The following AFF1 variants were observed in gnomAD, a reference collection of about 807,000 sequenced individuals.
AFF1 encodes ALF transcription elongation factor 1.
Under a neutral mutation model 121.7 loss-of-function variants are expected in AFF1, and 48 were observed. The ratio of observed to expected loss-of-function variants is 0.39; its 90% CI spans 0.31 to 0.50. The LOEUF is 0.50. AFF1 is among the 20% of genes least tolerant of loss of function. The pLI is 0.76. For synonymous variants in AFF1, 613 were observed against 563.0 expected (o/e 1.09, Z -1.26); for missense variants, 1,523 against 1,511.7 (o/e 1.01, Z -0.12).
rs1400803008 is a variant in AFF1 at position 87,140,079 on chromosome 4, A to G, written c.*4378A>G. 4.9e-6 allele frequency: 1 copy of G among 204,964 alleles called. No homozygotes were observed. Among genetic ancestry groups the G allele is most frequent in the East Asian group, 7.4e-5 (1 of 13,542 alleles). The allele number at this position is 204,964 out of a possible 1,614,324, so 12.7% of individuals were successfully genotyped here. ...CCTAAGAGGGCAGGAGGGAAACCCT[A>G]CAGCTCCTTGTGAGCCTATATATTA... On this transcript the variant is annotated 3_prime_UTR_variant, in exon 21 of 21. Coordinates refer to ENST00000395146, the MANE Select transcript of AFF1 (RefSeq NM_001166693.3).
chr4:86,980,947 A>AGC (rs1723691095), intron 2 of AFF1, among the ~76,000 whole-genome samples: 1 of 102,400 alleles, frequency 9.8e-6, no homozygotes. Context: ...GGCTTGAGGC[A>AGC]CCCCCCCCCT....
chr4:87,069,408 T>C (rs1721741919), intron 4 of AFF1, among the ~76,000 whole-genome samples: 1 of 149,270 alleles, frequency 6.7e-6, no homozygotes, highest in African/African-American at 2.5e-5. Flanking sequence ...CTTTTCTGTC[T>C]CTCCCTCCCT....
intron 2 of AFF1, among the ~76,000 whole-genome samples, chr4:86,972,660 C>T (rs1277091516): frequency 1.3e-5 from 2 of 152,230 alleles, no homozygotes; most frequent in African/African-American, 4.8e-5. Context: ...GCCTCAGCCT[C>T]TCAAGTAGCC....
chr4:87,050,554 T>A (rs1242088419), intron 4 of AFF1, among the ~76,000 whole-genome samples: 1 of 152,254 alleles, frequency 6.6e-6, no homozygotes, highest in Non-Finnish European at 1.5e-5. Context: ...TAGTTGGTAC[T>A]ATAAAAACTC....
chr4:86,984,566 G>A (rs971779393), intron 2 of AFF1, among the ~76,000 whole-genome samples: 12 of 151,910 alleles, frequency 7.9e-5, no homozygotes, highest in Admixed American at 4.6e-4. Flanking sequence ...CAGGCAGTCC[G>A]CCCGCCTCGG....
chr4:87,124,682 T>C (rs1728043762), intron 12 of AFF1, among the ~76,000 whole-genome samples: 1 of 152,262 alleles, frequency 6.6e-6, no homozygotes, highest in Admixed American at 6.5e-5. Flanking sequence ...GATGTAAATA[T>C]GCATGTTTTG....
intron 10 of AFF1, among the ~76,000 whole-genome samples, chr4:87,107,835 A>AG (rs1453328219): frequency 1.3e-5 from 2 of 152,254 alleles, no homozygotes; most frequent in African/African-American, 2.4e-5. Context: ...TTAGAAAAGC[A>AG]GGCAGCCAGC....
At chr4:87,016,675 T>A (rs1727333503) in intron 2 of AFF1, among the ~76,000 whole-genome samples, 1 of 152,192 alleles carries the variant, frequency 6.6e-6, no homozygotes, top group Non-Finnish European at 1.5e-5. Flanking sequence ...TTTAGAACAT[T>A]TTATCCCATA....
chr4:87,002,183 C>T (rs959501468), intron 2 of AFF1, among the ~76,000 whole-genome samples: 4 of 149,558 alleles, frequency 2.7e-5, no homozygotes, highest in Non-Finnish European at 4.4e-5. Context: ...ATCTCAAATT[C>T]CTGGGCCCAG....
chr4:87,040,174 T>TG (rs1729994009), intron 2 of AFF1, among the ~76,000 whole-genome samples: 1 of 152,078 alleles, frequency 6.6e-6, no homozygotes. Context: ...GGATTACAGA[T>TG]GTGAGCCACT....
intron 20 of AFF1, 119 bp downstream of exon 20, chr4:87,134,813 T>G: frequency 2.2e-6 from 2 of 890,560 alleles, no homozygotes; most frequent in South Asian, 1.8e-5. Context: ...GCTGTTTTAC[T>G]TTAATTATAT....
chr4:87,127,017 T>C lies in AFF1; in HGVS notation c.2812-9T>C. On this transcript the variant is annotated splice_polypyrimidine_tract_variant and intron_variant, in intron 14 of 20. Coordinates refer to ENST00000395146, the MANE Select transcript of AFF1 (RefSeq NM_001166693.3). Reference sequence around the variant, plus strand: ...GAGTGTAATCTGTATATTGATTTTTTTTTTGAAGGGTTCTTCCGGAGATAC... The same window carrying C: ...GAGTGTAATCTGTATATTGATTTTTCTTTTGAAGGGTTCTTCCGGAGATAC... The C allele has an allele frequency of 6.2e-7, 1 of 1,613,146 alleles. No individual in the cohort carries two copies. Among genetic ancestry groups the C allele is most frequent in the Non-Finnish European group, 8.5e-7 (1 of 1,179,290 alleles).
At chr4:87,099,455 G>A (rs1725197587) in intron 8 of AFF1, among the ~76,000 whole-genome samples, 1 of 152,142 alleles carries the variant, frequency 6.6e-6, no homozygotes, top group Non-Finnish European at 1.5e-5. Flanking sequence ...TGTCACCCAG[G>A]CTGGAGTGCA....
intron 13 of AFF1, 101 bp from the exon 14 acceptor site, chr4:87,125,998 T>C (rs1439545605): frequency 8.5e-7 from 1 of 1,181,570 alleles, no homozygotes; most frequent in African/African-American, 1.5e-5. Flanking sequence ...TGCTTTGTGA[T>C]ACCCTACTCT....
chr4:87,047,339 C>T lies in AFF1; in HGVS notation c.804C>T (p.Asp268=). The change falls in exon 4 of 21, where the codon GAC becomes GAT. Residue 268 remains aspartate, a synonymous_variant. Coordinates refer to ENST00000395146, the MANE Select transcript of AFF1 (RefSeq NM_001166693.3). ...TCCATGATAAAGAGACCCCTCAAGA[C>T]AGTTTGGTGGCCCCTGCCCAGCCGC... The part of the protein sequence containing the change: ...VKVHDKETPQ[D]SLVAPAQPPS... 1.2e-6 allele frequency: 2 copies of T among 1,614,182 alleles called. No individual in the cohort carries two copies. The highest frequency in any genetic ancestry group is 8.5e-7 in the Non-Finnish European group (1 of 1,180,032).
intron 2 of AFF1, among the ~76,000 whole-genome samples, chr4:86,961,041 C>G (rs933908083): frequency 1.3e-5 from 2 of 152,228 alleles, no homozygotes; most frequent in African/African-American, 4.8e-5. Flanking sequence ...CAGAGACAAG[C>G]TATCCTCCAG....
intron 2 of AFF1, among the ~76,000 whole-genome samples, chr4:87,024,139 C>T (rs1168733822): frequency 6.6e-6 from 1 of 152,142 alleles, no homozygotes; most frequent in Non-Finnish European, 1.5e-5. Context: ...AACTGAGGCT[C>T]ATGGCAAGTG....
intron 2 of AFF1, among the ~76,000 whole-genome samples, chr4:86,969,879 C>CAAAAAAAAAAAAAAAAAAA (rs70953629): frequency 0.023 from 1,470 of 63,506 alleles, 291 homozygotes; most frequent in Non-Finnish European, 0.029. Context: ...GACTCCGTCT[C>CAAAAAAAAAAAAAAAAAAA]AAAAAAAAAA....
At chr4:86,969,155 T>C (rs1447638544) in intron 2 of AFF1, among the ~76,000 whole-genome samples, 1 of 95,422 alleles carries the variant, frequency 1.0e-5, no homozygotes, top group African/African-American at 3.8e-5. Flanking sequence ...GAGGGTGCAT[T>C]TGGCTTGAGA....
Sources: allele counts gnomAD v4.1 joint callset (sites outside exome capture counted in the v4.1 genomes callset), GRCh38; gene constraint gnomAD v4.1.1; transcripts MANE v1.5; gene names NCBI Gene and HGNC (gene_info 2026-07-23, HGNC 2026-07-21).